FIGN: variants seen among roughly 807,000 people sequenced by gnomAD.
The protein encoded by FIGN is fidgetin.
FIGN carries 11 observed loss-of-function variants against 51.3 expected under a neutral mutation model. The ratio of observed to expected loss-of-function variants is 0.21; its 90% CI spans 0.13 to 0.35. The LOEUF is 0.35. Ranked by LOEUF, FIGN falls within the 10% of genes least tolerant of loss-of-function variation. FIGN has a pLI of 1.00. For synonymous variants in FIGN, 407 were observed against 363.2 expected, an observed-to-expected ratio of 1.12 and a Z score of -1.37; for missense variants, 857 against 943.6, an observed-to-expected ratio of 0.91 and a Z score of 1.20.
chr2:163,695,118 T>C (rs1046819140), intron 2 of FIGN, among the ~76,000 whole-genome samples: 2 of 152,184 alleles, frequency 1.3e-5, no homozygotes, highest in East Asian at 3.9e-4. Context: ...ATGTCCAAAC[T>C]TTATCTTTCT....
At chr2:163,631,004 T>TGGTA (rs1225898159) in intron 2 of FIGN, among the ~76,000 whole-genome samples, 2 of 152,204 alleles carry the variant, frequency 1.3e-5, no homozygotes, top group Admixed American at 1.3e-4. Flanking sequence ...ATTCTTCCTG[T>TGGTA]GGTATAGCTT....
At chr2:163,692,303 G>T (rs866965184) in intron 2 of FIGN, among the ~76,000 whole-genome samples, 2 of 152,276 alleles carry the variant, frequency 1.3e-5, no homozygotes, top group Middle Eastern at 3.4e-3. Context: ...CCAGTAGGAG[G>T]TGTTGGTCCC....
At chr2:163,659,382 T>C (rs919552733) in intron 2 of FIGN, among the ~76,000 whole-genome samples, 1 of 151,694 alleles carries the variant, frequency 6.6e-6, no homozygotes, top group Admixed American at 6.6e-5. Context: ...GAACAATCTG[T>C]CCTAAGGAAT....
At chr2:163,715,000 G>A (rs1227336035) in intron 2 of FIGN, among the ~76,000 whole-genome samples, 1 of 152,164 alleles carries the variant, frequency 6.6e-6, no homozygotes, top group African/African-American at 2.4e-5. Flanking sequence ...TCCATTCATT[G>A]TGTGCTTCCT....
intron 2 of FIGN, among the ~76,000 whole-genome samples, chr2:163,724,042 G>T (rs1056576275): frequency 1.3e-5 from 2 of 152,162 alleles, no homozygotes; most frequent in African/African-American, 4.8e-5. Flanking sequence ...TGACAAAGCA[G>T]TCATGGAGTA....
chr2:163,672,457 T>C (rs1451701413), intron 2 of FIGN, among the ~76,000 whole-genome samples: 1 of 152,150 alleles, frequency 6.6e-6, no homozygotes, highest in Non-Finnish European at 1.5e-5. Context: ...TTTCATGCCT[T>C]AGTTACATTT....
intron 2 of FIGN, among the ~76,000 whole-genome samples, chr2:163,673,005 T>G (rs1683902116): frequency 6.6e-6 from 1 of 152,176 alleles, no homozygotes; most frequent in South Asian, 2.1e-4. Flanking sequence ...GTATCTTTAA[T>G]GCCAGTGCAT....
chr2:163,717,992 C>T (rs1179044549), intron 2 of FIGN, among the ~76,000 whole-genome samples: 5 of 151,656 alleles, frequency 3.3e-5, no homozygotes, highest in African/African-American at 4.9e-5. Context: ...TGCTGTCAGT[C>T]AGAACAAAAA....
intron 2 of FIGN, among the ~76,000 whole-genome samples, chr2:163,684,612 T>C (rs780921070): frequency 2.6e-5 from 4 of 152,204 alleles, no homozygotes; most frequent in East Asian, 1.9e-4. Flanking sequence ...GTCCCCACTT[T>C]AGGCTTTCAG....
chr2:163,700,922 C>A (rs1684398597), intron 2 of FIGN, among the ~76,000 whole-genome samples: 2 of 152,062 alleles, frequency 1.3e-5, no homozygotes. Context: ...AGACATATAT[C>A]AAGTCTAATC....
At chr2:163,611,918 A>C in intron 2 of FIGN, 112 bp from the exon 3 acceptor site, 4 of 482,536 alleles carry the variant, frequency 8.3e-6, no homozygotes, top group Non-Finnish European at 6.3e-6. Context: ...TGATATGCAT[A>C]CTTTAAAAGA....
chr2:163,670,514 A>T (rs981759715), intron 2 of FIGN, among the ~76,000 whole-genome samples: 1 of 152,182 alleles, frequency 6.6e-6, no homozygotes, highest in Non-Finnish European at 1.5e-5. Flanking sequence ...TCAAATTCTA[A>T]TTATTCTACA....
rs141079875 is a variant in FIGN at position 163,730,687 on chromosome 2, A to G, written c.25+4216T>C. Among the ~76,000 whole-genome samples, 493 of 152,306 alleles carry G rather than the reference A, an allele frequency of 3.2e-3. 3 individuals are homozygous for G. Among genetic ancestry groups the G allele is most frequent in the African/African-American group, 0.011 (474 of 41,564 alleles). ...TATTTTTTATTGAGAGTTAAAATTT[A>G]TAGCTTTTTCTGAACCATTTGTTTA... On this transcript the variant is annotated intron_variant, in intron 2 of 2. Coordinates refer to ENST00000333129, the MANE Select transcript of FIGN (RefSeq NM_018086.4).
chr2:163,615,925 A>G (rs1419431760), intron 2 of FIGN, among the ~76,000 whole-genome samples: 1 of 152,218 alleles, frequency 6.6e-6, no homozygotes, highest in Non-Finnish European at 1.5e-5. Flanking sequence ...TCATCATGCA[A>G]CGTGTTTTTT....
At chr2:163,727,028 G>A (rs941949391) in intron 2 of FIGN, among the ~76,000 whole-genome samples, 3 of 151,712 alleles carry the variant, frequency 2.0e-5, no homozygotes, top group Non-Finnish European at 4.4e-5. Flanking sequence ...GAATCATACC[G>A]AATTAAGATT....
chr2:163,704,562 G>A (rs1364155456), intron 2 of FIGN, among the ~76,000 whole-genome samples: 1 of 150,742 alleles, frequency 6.6e-6, no homozygotes, highest in African/African-American at 2.4e-5. Flanking sequence ...AAAATACTTA[G>A]TATCTTTTTG....
intron 2 of FIGN, among the ~76,000 whole-genome samples, chr2:163,733,470 C>G (rs1021378713): frequency 1.3e-5 from 2 of 152,180 alleles, no homozygotes; most frequent in Admixed American, 1.3e-4. Flanking sequence ...CAGGCAGCAG[C>G]CCAATCTGCT....
Position 163,611,459 on chromosome 2 carries a change from G to A in FIGN, c.373C>T (p.Pro125Ser), listed in dbSNP as rs1416543400. 6.2e-7 allele frequency: 1 copy of A among 1,614,084 alleles called. No homozygotes were observed. ...SEAVYPMNCV[P>S]DVITASKAGV... is the part of the protein sequence containing the mutation. ...GCTTTGCTGGCAGTGATAACATCCG[G>A]AACACAGTTCATGGGATAAACAGCT... The change falls in exon 3 of 3, where the codon CCG becomes TCG. Residue 125 changes from proline to serine, a missense_variant. Physicochemically the swap from Pro to Ser is moderately conservative, Grantham distance 74. Coordinates refer to ENST00000333129, the MANE Select transcript of FIGN (RefSeq NM_018086.4).
intron 2 of FIGN, among the ~76,000 whole-genome samples, chr2:163,698,870 G>A (rs904045301): frequency 6.6e-6 from 1 of 152,136 alleles, no homozygotes; most frequent in Non-Finnish European, 1.5e-5. Flanking sequence ...TAAGAAAGAC[G>A]TTTCTTAAAA....
Sources: gnomAD v4.1 joint callset for allele counts (sites outside exome capture counted in the v4.1 genomes callset) on GRCh38, gnomAD v4.1.1 for gene constraint, MANE v1.5 for transcripts, NCBI Gene and HGNC (gene_info 2026-07-23, HGNC 2026-07-21) for gene names.